TENM3: variants seen among roughly 807,000 people sequenced by gnomAD.
TENM3 encodes the protein teneurin-3.
In TENM3, 63 loss-of-function variants were observed where a neutral mutation model predicts 255.1. That is an observed-to-expected ratio of 0.25 (90% CI 0.20 to 0.30). The LOEUF (loss-of-function observed/expected upper bound fraction) is 0.30. Among genes scored for constraint, TENM3 ranks in the 10% least tolerant of loss-of-function variants. The pLI is 1.00. For synonymous variants in TENM3, 1,306 were observed against 1,322.3 expected (o/e 0.99, Z 0.27); for missense variants, 2,929 against 3,461.1 (o/e 0.85, Z 3.86).
chr4:182,255,449 G>C (rs911362888), intron 1 of TENM3, among the ~76,000 whole-genome samples: 1 of 152,148 alleles, frequency 6.6e-6, no homozygotes, highest in Non-Finnish European at 1.5e-5. Context: ...GCATTGTATT[G>C]CCAAAGAAGT....
intron 3 of TENM3, among the ~76,000 whole-genome samples, chr4:182,418,752 A>G (rs138749575): frequency 6.6e-6 from 1 of 152,172 alleles, no homozygotes; most frequent in Non-Finnish European, 1.5e-5. Context: ...TTGTAGAGAC[A>G]GTGTTTCGCC....
At chr4:182,142,957 T>C (rs1749575490), upstream of TENM3, 1 of 167,214 alleles carries the variant, frequency 6.0e-6, no homozygotes, top group Non-Finnish European at 1.5e-5. Context: ...TCCAGCAGTT[T>C]CGGAAGCTCC....
the TENM3 span, among the ~76,000 whole-genome samples, chr4:181,875,332 A>C: frequency 3.3e-5 from 5 of 152,110 alleles, no homozygotes; most frequent in Admixed American, 6.5e-5. Flanking sequence ...AGAATCCCAT[A>C]GTCCAAATTT....
At chr4:182,018,485 G>A in the TENM3 span, among the ~76,000 whole-genome samples, 4 of 152,106 alleles carry the variant, frequency 2.6e-5, no homozygotes, top group Non-Finnish European at 5.9e-5. Flanking sequence ...ATTCCTAGGA[G>A]CTAGGAAAAC....
the TENM3 span, among the ~76,000 whole-genome samples, chr4:181,501,657 C>T: frequency 1.3e-5 from 2 of 152,160 alleles, no homozygotes; most frequent in African/African-American, 2.4e-5. Flanking sequence ...AGATTACAGG[C>T]GTGAGCCAAC....
upstream of TENM3, among the ~76,000 whole-genome samples, chr4:182,140,873 C>A (rs1043301261): frequency 2.6e-5 from 4 of 152,164 alleles, no homozygotes; most frequent in African/African-American, 9.6e-5. Context: ...GAGACTTGAC[C>A]CGCGGGGAGG....
At chr4:181,949,864 G>A in the TENM3 span, among the ~76,000 whole-genome samples, 1 of 152,188 alleles carries the variant, frequency 6.6e-6, no homozygotes, top group Admixed American at 6.5e-5. Context: ...CTGACCTCCA[G>A]GTCTTTCCAC....
At chr4:182,242,529 G>C (rs902909689), upstream of TENM3, among the ~76,000 whole-genome samples, 1 of 152,140 alleles carries the variant, frequency 6.6e-6, no homozygotes. Flanking sequence ...GGGAGGCTGA[G>C]GTGGGTGAAT....
At chr4:181,527,883 T>G in the TENM3 span, among the ~76,000 whole-genome samples, 1 of 152,100 alleles carries the variant, frequency 6.6e-6, no homozygotes, top group African/African-American at 2.4e-5. Flanking sequence ...TACCTCTTCT[T>G]TCATTTAAAC....
At chr4:181,679,514 A>G in the TENM3 span, among the ~76,000 whole-genome samples, 1 of 152,142 alleles carries the variant, frequency 6.6e-6, no homozygotes, top group Admixed American at 6.6e-5. Context: ...ATAAACAAGC[A>G]AAATATATGT....
chr4:181,864,650 C>T, the TENM3 span, among the ~76,000 whole-genome samples: 2 of 152,006 alleles, frequency 1.3e-5, no homozygotes, highest in Non-Finnish European at 2.9e-5. Context: ...TGGATCAGAG[C>T]CAAATAAAAT....
intron 13 of TENM3, among the ~76,000 whole-genome samples, chr4:182,717,857 A>G (rs1759328988): frequency 6.6e-6 from 1 of 152,218 alleles, no homozygotes; most frequent in South Asian, 2.1e-4. Context: ...CTCATATCCC[A>G]AAACACTGTG....
rs190449265 is a variant in TENM3 at position 182,432,322 on chromosome 4, A to C, written c.511+85393A>C. ...TTGTTGGACATCAACCTAAATTTGC[A>C]CCCATTTTGATATATTTTTGTTATA... On this transcript the variant is annotated intron_variant, in intron 3 of 27. Coordinates refer to ENST00000511685, the MANE Select transcript of TENM3 (RefSeq NM_001080477.4). Among the ~76,000 whole-genome samples, 12 of 152,226 alleles carry C rather than the reference A, an allele frequency of 7.9e-5. No individual in the cohort carries two copies. In the East Asian group the frequency reaches 2.3e-3, roughly 29 times the overall value.
At chr4:182,566,484 A>G (rs1743804198) in intron 3 of TENM3, among the ~76,000 whole-genome samples, 1 of 152,192 alleles carries the variant, frequency 6.6e-6, no homozygotes, top group Non-Finnish European at 1.5e-5. Flanking sequence ...TTGGCCCTCC[A>G]CAGGAAACAC....
intron 5 of TENM3, among the ~76,000 whole-genome samples, chr4:182,630,003 A>G (rs1435278058): frequency 1.3e-5 from 2 of 152,304 alleles, no homozygotes; most frequent in Admixed American, 1.3e-4. Context: ...TTTTTTGACC[A>G]TGGAAGACAT....
chr4:181,659,731 A>G, the TENM3 span, among the ~76,000 whole-genome samples: 1 of 152,204 alleles, frequency 6.6e-6, no homozygotes, highest in African/African-American at 2.4e-5. Context: ...GCTCTTGAAT[A>G]TTGGTTTGAA....
At chr4:181,990,151 G>A in the TENM3 span, among the ~76,000 whole-genome samples, 1 of 152,056 alleles carries the variant, frequency 6.6e-6, no homozygotes, top group South Asian at 2.1e-4. Context: ...TATAAAAGTA[G>A]ATATTCTATT....
the TENM3 span, among the ~76,000 whole-genome samples, chr4:181,692,083 A>G: frequency 6.6e-6 from 1 of 152,226 alleles, no homozygotes; most frequent in African/African-American, 2.4e-5. Flanking sequence ...ATTAGTTGGC[A>G]CATGGATGAA....
chr4:181,813,846 G>A, the TENM3 span, among the ~76,000 whole-genome samples: 1 of 152,102 alleles, frequency 6.6e-6, no homozygotes. Flanking sequence ...TCAAATAATA[G>A]TGGGTAAATA....
Sources: gnomAD v4.1 joint callset for allele counts (sites outside exome capture counted in the v4.1 genomes callset) on GRCh38, gnomAD v4.1.1 for gene constraint, MANE v1.5 for transcripts, NCBI Gene and HGNC (gene_info 2026-07-23, HGNC 2026-07-21) for gene names.